RALGPS1: variants seen among roughly 807,000 people sequenced by gnomAD.
The protein encoded by RALGPS1 is Ral GEF with PH domain and SH3 binding motif 1.
Under a neutral mutation model 78.8 loss-of-function variants are expected in RALGPS1, and 19 were observed. The observed-to-expected ratio is 0.24, with a 90% CI of 0.17 to 0.35. The LOEUF is 0.35. Among genes scored for constraint, RALGPS1 ranks in the 10% least tolerant of loss-of-function variants. The pLI is 1.00. For missense variants in RALGPS1, 454 were observed against 688.3 expected, an observed-to-expected ratio of 0.66 and a Z score of 3.81; for synonymous variants, 228 against 256.3, an observed-to-expected ratio of 0.89 and a Z score of 1.06.
Position 127,196,481 on chromosome 9 carries a change from T to A in RALGPS1, c.1045T>A (p.Cys349Ser), listed in dbSNP as rs779206964. 6.2e-7 allele frequency: 1 copy of A among 1,612,074 alleles called. No individual in the cohort carries two copies. Among genetic ancestry groups the A allele is most frequent in the Admixed American group, 1.7e-5 (1 of 59,600 alleles). Residue 349 changes from cysteine to serine, a missense_variant, in exon 13 of 19, where the codon TGT (cysteine) becomes AGT (serine). By Grantham distance (112) the Cys-to-Ser change is moderately radical. Transcript: ENST00000259351. Reference protein sequence around the residue: ...KSHSLGNNMMCQLSVVESKSA... With the variant: ...KSHSLGNNMMSQLSVVESKSA... ...TTCCTTTCCATTTTCCAGTATGATG[T>A]GTCAGTTGAGTGTAGTTGAGAGTAA...
At chr9:127,177,120 C>T (rs2059924262) in intron 11 of RALGPS1, among the ~76,000 whole-genome samples, 2 of 150,468 alleles carry the variant, frequency 1.3e-5, no homozygotes, top group African/African-American at 4.9e-5. Context: ...TAGCACCTGG[C>T]ATTATGCCTG....
chr9:127,084,226 C>T (rs978618767), intron 8 of RALGPS1, among the ~76,000 whole-genome samples: 5 of 152,170 alleles, frequency 3.3e-5, no homozygotes, highest in African/African-American at 9.7e-5. Context: ...CTGGCTGACA[C>T]GCAGTCCACT....
chr9:127,027,487 AT>A (rs1472948361), intron 4 of RALGPS1, among the ~76,000 whole-genome samples: 1 of 152,194 alleles, frequency 6.6e-6, no homozygotes. Flanking sequence ...AAAAGATGAT[AT>A]TTGATTGTGT....
intron 4 of RALGPS1, among the ~76,000 whole-genome samples, chr9:126,998,926 C>T (rs1337844587): frequency 1.4e-5 from 2 of 147,978 alleles, no homozygotes; most frequent in African/African-American, 2.5e-5. Flanking sequence ...GGACAAAAAA[C>T]CAAACACCGC....
chr9:126,993,918 G>C (rs1219554872), intron 4 of RALGPS1, among the ~76,000 whole-genome samples: 6 of 152,264 alleles, frequency 3.9e-5, no homozygotes, highest in African/African-American at 1.2e-4. Flanking sequence ...AGGCAAACAG[G>C]GTCTGGAGTG....
chr9:126,919,367 G>A (rs763836953), intron 1 of RALGPS1, among the ~76,000 whole-genome samples: 43 of 152,170 alleles, frequency 2.8e-4, no homozygotes, highest in Non-Finnish European at 7.3e-5. Context: ...AGTGGCCTTG[G>A]TCCCAGTGAA....
chr9:127,118,068 A>G (rs1214461171), intron 8 of RALGPS1, among the ~76,000 whole-genome samples: 3 of 151,946 alleles, frequency 2.0e-5, no homozygotes, highest in South Asian at 4.2e-4. Context: ...TTTATTTTTT[A>G]TTTTTGAGAT....
chr9:126,983,334 G>C (rs2041503904), intron 4 of RALGPS1, among the ~76,000 whole-genome samples: 1 of 152,040 alleles, frequency 6.6e-6, no homozygotes, highest in Non-Finnish European at 1.5e-5. Flanking sequence ...ATGAACCTTT[G>C]TATACCTGTT....
At chr9:127,001,694 G>A (rs999892353) in intron 4 of RALGPS1, among the ~76,000 whole-genome samples, 3 of 152,042 alleles carry the variant, frequency 2.0e-5, no homozygotes, top group Non-Finnish European at 4.4e-5. Flanking sequence ...GACCAGCCTG[G>A]CCAACATGGT....
intron 9 of RALGPS1, among the ~76,000 whole-genome samples, chr9:127,166,409 C>T (rs1445632315): frequency 2.6e-5 from 4 of 152,208 alleles, no homozygotes; most frequent in Non-Finnish European, 5.9e-5. Context: ...TTCTGTATTA[C>T]AGGTGAGGAA....
intron 18 of RALGPS1, chr9:127,217,059 C>G: frequency 7.0e-7 from 1 of 1,431,408 alleles, no homozygotes; most frequent in South Asian, 1.5e-5. Flanking sequence ...TGAGTAAAAC[C>G]CATTGTCCCT....
chr9:127,108,437 G>T, intron 8 of RALGPS1: 2 of 1,609,132 alleles, frequency 1.2e-6, no homozygotes, highest in Non-Finnish European at 8.5e-7. Flanking sequence ...TGCCGCTTCT[G>T]CTTGAGCAGC....
intron 4 of RALGPS1, among the ~76,000 whole-genome samples, chr9:127,011,303 G>A (rs367862755): frequency 1.7e-3 from 255 of 152,036 alleles, no homozygotes; most frequent in African/African-American, 5.3e-3. Flanking sequence ...TCCGCCTCCC[G>A]AGTAGCTGGG....
intron 8 of RALGPS1, among the ~76,000 whole-genome samples, chr9:127,081,865 C>T (rs2051206265): frequency 6.6e-6 from 1 of 152,224 alleles, no homozygotes; most frequent in East Asian, 1.9e-4. Context: ...TAGGAGGTGC[C>T]GCATGTGGCA....
chr9:126,916,720 G>T (rs971349360), intron 1 of RALGPS1, among the ~76,000 whole-genome samples: 4 of 152,298 alleles, frequency 2.6e-5, no homozygotes, highest in Admixed American at 6.5e-5. Flanking sequence ...GGCGGAGGTT[G>T]CAGTGAGCCG....
chr9:127,108,884 A>C (rs921075403), intron 8 of RALGPS1: 4 of 828,222 alleles, frequency 4.8e-6, no homozygotes, highest in Non-Finnish European at 7.3e-6. Flanking sequence ...AGCTTTCCAA[A>C]AACTCTGCTT....
Position 126,935,015 on chromosome 9 carries a change from C to T in RALGPS1, c.-66+20040C>T, listed in dbSNP as rs534374320. ...TTTAAGGAACTACGAACTGGTTGAC[C>T]TCCCTTCCCCACCAGTGCAGACCAT... is the stretch of plus-strand genomic sequence containing the variant. On this transcript the variant is annotated intron_variant, in intron 1 of 18. Coordinates refer to ENST00000259351, the MANE Select transcript of RALGPS1 (RefSeq NM_014636.3). Among the ~76,000 whole-genome samples, 29 of 152,306 alleles carry T rather than the reference C, an allele frequency of 1.9e-4. No homozygotes were observed. In the South Asian group the frequency reaches 4.3e-3, roughly 23 times the overall value.
At chr9:127,182,574 C>A (rs1001293974) in intron 11 of RALGPS1, among the ~76,000 whole-genome samples, 1 of 151,770 alleles carries the variant, frequency 6.6e-6, no homozygotes, top group African/African-American at 2.4e-5. Flanking sequence ...GGATTACAGT[C>A]GCCCGCCACC....
At chr9:127,010,460 G>T (rs902075572) in intron 4 of RALGPS1, among the ~76,000 whole-genome samples, 1 of 152,180 alleles carries the variant, frequency 6.6e-6, no homozygotes, top group African/African-American at 2.4e-5. Flanking sequence ...CCTGGCTGGG[G>T]TTGAGGGCAA....
Sources: allele counts gnomAD v4.1 joint callset (sites outside exome capture counted in the v4.1 genomes callset), GRCh38; gene constraint gnomAD v4.1.1; transcripts MANE v1.5; gene names NCBI Gene and HGNC (gene_info 2026-07-23, HGNC 2026-07-21).